Variants in SLCO1A2 observed in about 807,000 individuals in gnomAD.
SLCO1A2 encodes OATP-1.
In SLCO1A2, 67 loss-of-function variants were observed where a neutral mutation model predicts 69.0. The ratio of observed to expected loss-of-function variants is 0.97; its 90% CI spans 0.80 to 1.19. SLCO1A2 has a LOEUF of 1.19. Among genes scored for constraint, SLCO1A2 ranks in the 50% most tolerant of loss-of-function variants. The probability of loss-of-function intolerance (pLI) is 0.00; values close to 1 mark genes in which losing one functional copy is unlikely to be tolerated. For synonymous variants in SLCO1A2, 260 were observed against 265.9 expected (o/e 0.98, Z 0.22); for missense variants, 787 against 793.7 (o/e 0.99, Z 0.10).
intron 1 of SLCO1A2, among the ~76,000 whole-genome samples, chr12:21,403,061 A>G (rs1357943707): frequency 2.6e-5 from 4 of 152,176 alleles, no homozygotes; most frequent in Admixed American, 2.6e-4. Context: ...GTTGTGGAAG[A>G]ACTGGATAAA....
chr12:21,371,774 G>A (rs1939810228), intron 2 of SLCO1A2, among the ~76,000 whole-genome samples: 1 of 152,060 alleles, frequency 6.6e-6, no homozygotes, highest in African/African-American at 2.4e-5. Flanking sequence ...AGGCAGAAGT[G>A]GGCGGATCAC....
upstream of SLCO1A2, chr12:21,419,121 G>A (rs1416175836): frequency 6.6e-6 from 1 of 152,136 alleles, no homozygotes; most frequent in African/African-American, 2.4e-5. Context: ...AATAGGCACA[G>A]ACAAATAAAG....
chr12:21,396,860 C>CACTAAACAGGCCT (rs1941483945), upstream of SLCO1A2, among the ~76,000 whole-genome samples: 1 of 151,996 alleles, frequency 6.6e-6, no homozygotes, highest in Non-Finnish European at 1.5e-5. Flanking sequence ...CTTACAAGAG[C>CACTAAACAGGCCT]TCCTGAAGGA....
chr12:21,265,904 T>C lies in SLCO1A2; in HGVS notation c.*3644A>G, dbSNP rs1000131516. Reference sequence around the variant, plus strand: ...TCTATATTTTCTTATATAGAAATCATACTCTTTTAACATCTACAACCTCTT... The same window carrying C: ...TCTATATTTTCTTATATAGAAATCACACTCTTTTAACATCTACAACCTCTT... On this transcript the variant is annotated 3_prime_UTR_variant, in exon 15 of 15. Coordinates refer to ENST00000683939, the MANE Select transcript of SLCO1A2 (RefSeq NM_001386879.1). The C allele has an allele frequency of 6.6e-6, 1 of 152,180 alleles. No homozygotes were observed. The highest frequency in any genetic ancestry group is 2.4e-5 in the African/African-American group (1 of 41,442). The allele number at this position is 152,180 out of a possible 1,614,324, so 9.4% of individuals were successfully genotyped here. A position where few individuals can be genotyped will look rare whatever the true frequency, so the allele number is the denominator to read the frequency against.
At chr12:21,299,903 T>C (rs1948438867) in intron 8 of SLCO1A2, among the ~76,000 whole-genome samples, 1 of 130,490 alleles carries the variant, frequency 7.7e-6, no homozygotes, top group Non-Finnish European at 1.7e-5. Flanking sequence ...TATATATATA[T>C]ACGTGTGTGT....
chr12:21,356,659 T>G (rs994319465), intron 2 of SLCO1A2, among the ~76,000 whole-genome samples: 5 of 152,278 alleles, frequency 3.3e-5, no homozygotes, highest in Middle Eastern at 6.8e-3. Flanking sequence ...GTGTTATACA[T>G]TTCTATGCAC....
chr12:21,307,796 T>C (rs544823326), intron 4 of SLCO1A2, among the ~76,000 whole-genome samples: 8 of 152,222 alleles, frequency 5.3e-5, no homozygotes, highest in Non-Finnish European at 1.2e-4. Flanking sequence ...CCTTCTGAGT[T>C]CTACAAAAGC....
chr12:21,393,680 A>G (rs1941274502), intron 1 of SLCO1A2, among the ~76,000 whole-genome samples: 1 of 152,194 alleles, frequency 6.6e-6, no homozygotes, highest in Non-Finnish European at 1.5e-5. Flanking sequence ...TAAGAGATAA[A>G]CAGATACGGT....
At chr12:21,361,329 T>G (rs971258067) in intron 2 of SLCO1A2, among the ~76,000 whole-genome samples, 1 of 152,206 alleles carries the variant, frequency 6.6e-6, no homozygotes, top group African/African-American at 2.4e-5. Flanking sequence ...GGGTCCTGAC[T>G]GTTAGAAGGA....
intron 6 of SLCO1A2, 107 bp from the exon 7 acceptor site, chr12:21,301,376 T>C (rs1161031118): frequency 3.8e-6 from 2 of 529,990 alleles, no homozygotes; most frequent in Admixed American, 3.9e-5. Context: ...TTGGATACTT[T>C]TGACTAGATA....
At position 21,266,944 on chromosome 12, in the gene SLCO1A2, A is replaced by ATATT. The variant is rs1942128942; in HGVS notation, c.*2600_*2603dup. On this transcript the variant is annotated 3_prime_UTR_variant, in exon 15 of 15. Coordinates refer to ENST00000683939, the MANE Select transcript of SLCO1A2 (RefSeq NM_001386879.1). ...TTATGTATTAAGTAAGATCCCCACA[A>ATATT]TATTAAGTAAGAAAATTACTGACTC... The ATATT allele has an allele frequency of 6.6e-6, 1 of 152,090 alleles. No individual in the cohort carries two copies. Among genetic ancestry groups the ATATT allele is most frequent in the African/African-American group, 2.4e-5 (1 of 41,422 alleles). The allele number at this position is 152,090 out of a possible 1,614,324, so 9.4% of individuals were successfully genotyped here. A position where few individuals can be genotyped will look rare whatever the true frequency, so the allele number is the denominator to read the frequency against.
upstream of SLCO1A2, among the ~76,000 whole-genome samples, chr12:21,395,669 G>C (rs777907188): frequency 1.0e-3 from 159 of 152,292 alleles, no homozygotes; most frequent in Non-Finnish European, 2.0e-3. Flanking sequence ...CACGCAGCTG[G>C]ACATCTGAGA....
chr12:21,287,762 C>G (rs1946150302), intron 12 of SLCO1A2, among the ~76,000 whole-genome samples: 1 of 110,890 alleles, frequency 9.0e-6, no homozygotes, highest in Non-Finnish European at 1.8e-5. Flanking sequence ...ATCGCAAGAA[C>G]AAAAAACCAA....
chr12:21,357,718 A>AT (rs981737618), intron 2 of SLCO1A2, among the ~76,000 whole-genome samples: 21 of 151,212 alleles, frequency 1.4e-4, no homozygotes, highest in South Asian at 4.2e-4. Context: ...TTCTGTGTTT[A>AT]TTTTTTTTGT....
At position 21,350,835 on chromosome 12, in the gene SLCO1A2, C is replaced by CCAAA. The variant is rs1413971950; in HGVS notation, c.-62-16127_-62-16126insTTTG. On this transcript the variant is annotated intron_variant, in intron 2 of 15. Transcript: ENST00000307378. ...CTGGTGACAGAGCAAGACTCTGTCT[C>CCAAA]AAAAAAAAAAAAAAAAAAAAAAAAA... Among the ~76,000 whole-genome samples, 6 of 40,734 alleles carry CCAAA rather than the reference C, an allele frequency of 1.5e-4. 1 individual carries two copies. Among genetic ancestry groups the CCAAA allele is most frequent in the Admixed American group, 4.3e-4 (1 of 2,330 alleles). The allele number at this position is 40,734 out of a possible 152,430, so 26.7% of individuals were successfully genotyped here.
intron 2 of SLCO1A2, among the ~76,000 whole-genome samples, chr12:21,357,448 T>G (rs1055874018): frequency 4.6e-5 from 7 of 152,218 alleles, no homozygotes; most frequent in Admixed American, 2.6e-4. Flanking sequence ...CACCTAATCT[T>G]AGACTTCTTG....
In SLCO1A2 at chr12:21,400,738, G is replaced by T. The variant is rs564652892; in HGVS notation, c.-312+17144C>A. 8.8e-4 allele frequency among the ~76,000 whole-genome samples: 131 copies of T among 149,470 alleles called. 1 individual carries two copies. The highest frequency in any genetic ancestry group is 3.1e-3 in the African/African-American group (127 of 40,648). On this transcript the variant is annotated intron_variant, in intron 1 of 4. Transcript: ENST00000413682. ...TCATGTCCTTTGTAGGGACATGGATGAAATTGGAAATCATCATTCTCAGTA... is the reference window on the plus strand; with the variant it reads ...TCATGTCCTTTGTAGGGACATGGATTAAATTGGAAATCATCATTCTCAGTA...
intron 1 of SLCO1A2, among the ~76,000 whole-genome samples, chr12:21,416,234 CT>C (rs1211098987): frequency 9.9e-5 from 15 of 151,878 alleles, no homozygotes; most frequent in African/African-American, 3.4e-4. Context: ...CTCATTTTAC[CT>C]TGGAAATATT....
At chr12:21,323,121 A>G (rs1951845649) in intron 2 of SLCO1A2, among the ~76,000 whole-genome samples, 1 of 152,222 alleles carries the variant, frequency 6.6e-6, no homozygotes, top group Non-Finnish European at 1.5e-5. Flanking sequence ...TAAAAAGTCA[A>G]CAAACAGAAA....
Sources: gnomAD v4.1 joint callset for allele counts (sites outside exome capture counted in the v4.1 genomes callset) on GRCh38, gnomAD v4.1.1 for gene constraint, MANE v1.5 for transcripts, NCBI Gene and HGNC (gene_info 2026-07-23, HGNC 2026-07-21) for gene names.